Variants in LPP observed in about 807,000 individuals in gnomAD.
The protein encoded by LPP is LIM domain containing preferred translocation partner in lipoma.
LPP carries 38 observed loss-of-function variants against 60.4 expected under a neutral mutation model. The ratio of observed to expected loss-of-function variants is 0.63; its 90% CI spans 0.49 to 0.83. LPP has a LOEUF of 0.83. Among genes scored for constraint, LPP ranks in the 40% least tolerant of loss-of-function variants. The probability of loss-of-function intolerance (pLI) is 0.00; values close to 1 mark genes in which losing one functional copy is unlikely to be tolerated. For synonymous variants in LPP, 328 were observed against 290.8 expected (o/e 1.13, Z -1.30); for missense variants, 902 against 783.6 (o/e 1.15, Z -1.80).
chr3:188,881,139 C>CAAAAAAAAAAAAAAAAAAAA lies in LPP; in HGVS notation c.*6679_*6680insAAAAAAAAAAAAAAAAAAAA, dbSNP rs11328247. 0.062 allele frequency: 4,485 copies of CAAAAAAAAAAAAAAAAAAAA among 72,344 alleles called. 611 individuals carry two copies. Among genetic ancestry groups the CAAAAAAAAAAAAAAAAAAAA allele is most frequent in the Non-Finnish European group, 0.095 (3,100 of 32,552 alleles). 4.5% of individuals were successfully genotyped at this position (72,344 alleles called of 1,614,324 possible). ...TGGGCGAAAGAGCGAGACTCCGTCTCAAAAAAAAAAAAAAAAAAATAGGAT... is the reference window on the plus strand; with the variant it reads ...TGGGCGAAAGAGCGAGACTCCGTCTCAAAAAAAAAAAAAAAAAAAAAAAAAAAAAAAAAAAAAAATAGGAT... On this transcript the variant is annotated 3_prime_UTR_variant, in exon 12 of 12. Coordinates refer to ENST00000617246, the MANE Select transcript of LPP (RefSeq NM_001375462.1).
At chr3:188,226,253 C>A (rs1717708578) in intron 2 of LPP, among the ~76,000 whole-genome samples, 1 of 152,156 alleles carries the variant, frequency 6.6e-6, no homozygotes, top group African/African-American at 2.4e-5. Context: ...AGGTAATCCA[C>A]CCGCCTCAGC....
chr3:188,487,925 T>A (rs996599811), intron 5 of LPP, among the ~76,000 whole-genome samples: 10 of 152,134 alleles, frequency 6.6e-5, no homozygotes, highest in African/African-American at 2.4e-4. Context: ...GTTGTAAGAT[T>A]TTGAGAGCAG....
At position 188,876,685 on chromosome 3, in the gene LPP, G is replaced by C. The variant is rs1769293396; in HGVS notation, c.*2206G>C. On this transcript the variant is annotated 3_prime_UTR_variant, in exon 12 of 12. Transcript: ENST00000617246. ...AATTCTCTTTAGGACAAAGCAGAGA[G>C]TCCAATTTATTGAGGGATAGATTGT... is the stretch of plus-strand genomic sequence containing the variant. The C allele has an allele frequency of 5.2e-6, 1 of 192,282 alleles. No individual in the cohort carries two copies. The highest frequency in any genetic ancestry group is 6.1e-5 in the Admixed American group (1 of 16,352). 11.9% of individuals were successfully genotyped at this position (192,282 alleles called of 1,614,324 possible).
chr3:188,365,434 C>T (rs375706756), intron 3 of LPP, among the ~76,000 whole-genome samples: 3 of 152,252 alleles, frequency 2.0e-5, no homozygotes, highest in East Asian at 1.9e-4. Flanking sequence ...TTAAGTTTAC[C>T]GTCACTTTTA....
intron 9 of LPP, among the ~76,000 whole-genome samples, chr3:188,859,355 C>T (rs557080678): frequency 6.6e-6 from 1 of 152,068 alleles, no homozygotes; most frequent in Non-Finnish European, 1.5e-5. Flanking sequence ...TCTTAAGAGT[C>T]ATAGACCACC....
At chr3:188,744,075 G>A (rs1401831747) in intron 8 of LPP, among the ~76,000 whole-genome samples, 1 of 152,096 alleles carries the variant, frequency 6.6e-6, no homozygotes, top group Non-Finnish European at 1.5e-5. Context: ...AGCTGCTAAA[G>A]CTCCTTATAA....
chr3:188,691,527 C>A (rs1376893106), intron 7 of LPP, among the ~76,000 whole-genome samples: 1 of 152,140 alleles, frequency 6.6e-6, no homozygotes, highest in Admixed American at 6.5e-5. Flanking sequence ...TTTGTGTGTC[C>A]CTTTATTCAT....
intron 9 of LPP, among the ~76,000 whole-genome samples, chr3:188,808,446 A>G (rs1200160456): frequency 6.6e-6 from 1 of 152,026 alleles, no homozygotes; most frequent in African/African-American, 2.4e-5. Context: ...CGGGACTAAA[A>G]TCACTTCTTA....
At chr3:188,846,090 T>C (rs1195118526) in intron 9 of LPP, among the ~76,000 whole-genome samples, 3 of 152,238 alleles carry the variant, frequency 2.0e-5, no homozygotes, top group African/African-American at 4.8e-5. Context: ...GTGCAGACAC[T>C]GTGCTAGTCA....
At chr3:188,313,090 A>C (rs1295089540) in intron 2 of LPP, among the ~76,000 whole-genome samples, 2 of 152,066 alleles carry the variant, frequency 1.3e-5, no homozygotes, top group African/African-American at 4.8e-5. Flanking sequence ...ATATGTAACA[A>C]ATCTGCACGT....
At chr3:188,181,429 C>CATA (rs1724976976) in intron 1 of LPP, among the ~76,000 whole-genome samples, 1 of 151,542 alleles carries the variant, frequency 6.6e-6, no homozygotes, top group African/African-American at 2.4e-5. Context: ...AAATTTGCTA[C>CATA]ATAATTGTAT....
At chr3:188,445,881 C>T (rs957067043) in intron 4 of LPP, among the ~76,000 whole-genome samples, 2 of 152,118 alleles carry the variant, frequency 1.3e-5, no homozygotes, top group African/African-American at 4.8e-5. Flanking sequence ...AATTCCTGGC[C>T]ATTTTTTGTG....
chr3:188,306,446 T>A (rs1751571794), intron 2 of LPP, among the ~76,000 whole-genome samples: 1 of 152,166 alleles, frequency 6.6e-6, no homozygotes. Context: ...GGAGCTAATG[T>A]TTGCAAAGCT....
At chr3:188,608,946 C>T (rs1439577138) in intron 6 of LPP, among the ~76,000 whole-genome samples, 1 of 151,964 alleles carries the variant, frequency 6.6e-6, no homozygotes, top group African/African-American at 2.4e-5. Flanking sequence ...TCCTTTCTTT[C>T]CTTTTCTGCT....
chr3:188,306,235 C>A (rs1007619370), intron 2 of LPP, among the ~76,000 whole-genome samples: 1 of 149,322 alleles, frequency 6.7e-6, no homozygotes, highest in Non-Finnish European at 1.5e-5. Context: ...TGTGCACCAC[C>A]ATGTCCAGCT....
At chr3:188,529,410 T>C (rs1168048397) in intron 6 of LPP, among the ~76,000 whole-genome samples, 1 of 151,590 alleles carries the variant, frequency 6.6e-6, no homozygotes, top group Non-Finnish European at 1.5e-5. Context: ...TAGTCAAACA[T>C]GTGTTGTAAG....
At chr3:188,595,000 GA>G (rs1179877173) in intron 6 of LPP, among the ~76,000 whole-genome samples, 1 of 151,978 alleles carries the variant, frequency 6.6e-6, no homozygotes, top group Non-Finnish European at 1.5e-5. Context: ...TACAGTTCCT[GA>G]TATTTATAAA....
intron 3 of LPP, among the ~76,000 whole-genome samples, chr3:188,387,854 C>A (rs910524322): frequency 6.6e-6 from 1 of 152,088 alleles, no homozygotes; most frequent in East Asian, 1.9e-4. Flanking sequence ...CATGAGCCAC[C>A]CTGCCCGGCC....
chr3:188,657,298 T>C (rs1028621219), intron 7 of LPP, among the ~76,000 whole-genome samples: 1 of 62,948 alleles, frequency 1.6e-5, no homozygotes, highest in Non-Finnish European at 3.1e-5. Flanking sequence ...AAGCAGATAG[T>C]ATAGTACATT....
Sources: allele counts gnomAD v4.1 joint callset (sites outside exome capture counted in the v4.1 genomes callset), GRCh38; gene constraint gnomAD v4.1.1; transcripts MANE v1.5; gene names NCBI Gene and HGNC (gene_info 2026-07-23, HGNC 2026-07-21).